The following SEMA4D variants were observed in gnomAD, a reference collection of about 807,000 sequenced individuals.
SEMA4D encodes semaphorin-4D.
SEMA4D carries 22 observed loss-of-function variants against 74.8 expected under a neutral mutation model. The ratio of observed to expected loss-of-function variants is 0.29; its 90% CI spans 0.21 to 0.42. The LOEUF (loss-of-function observed/expected upper bound fraction) is 0.42. Ranked by LOEUF, SEMA4D falls within the 10% of genes least tolerant of loss-of-function variation. The pLI, the probability that SEMA4D is intolerant of heterozygous loss-of-function variation, is 1.00. For missense variants in SEMA4D, 937 were observed against 1,118.4 expected (o/e 0.84, Z 2.31); for synonymous variants, 445 against 463.7 (o/e 0.96, Z 0.52).
At chr9:89,448,028 C>A (rs999174376) in intron 2 of SEMA4D, among the ~76,000 whole-genome samples, 2 of 152,138 alleles carry the variant, frequency 1.3e-5, no homozygotes, top group African/African-American at 2.4e-5. Flanking sequence ...TGCTCTGTCA[C>A]CCACGCTGGG....
chr9:89,482,971 G>A (rs1273332682), intron 1 of SEMA4D, among the ~76,000 whole-genome samples: 6 of 152,324 alleles, frequency 3.9e-5, no homozygotes, highest in South Asian at 2.1e-4. Flanking sequence ...GTCACAGAGC[G>A]GTTACTTGTA....
In SEMA4D at chr9:89,492,102, T is replaced by C. The variant is rs1317862321; in HGVS notation, c.-310+5817A>G. Among the ~76,000 whole-genome samples the C allele has an allele frequency of 7.2e-5, 11 of 152,150 alleles. No individual in the cohort carries two copies. The highest frequency in any genetic ancestry group is 5.9e-4 in the Admixed American group (9 of 15,284). On this transcript the variant is annotated intron_variant, in intron 1 of 15. Coordinates refer to ENST00000422704, the MANE Select transcript of SEMA4D (RefSeq NM_001371194.2). This position sits in a 1 kb window ranked among gnomAD's most constrained non-coding sequence, Gnocchi z 4.3. ...ACTGCCCTTCACGGCAGCAAAATTC[T>C]TGAAAAAGCAATAGGGTCCTGCTGT...
rs377569594 is a variant in SEMA4D, at chr9:89,385,617, A to G, written c.1446+750T>C. ...TTAGCAGAGGGGAGGTGACCACGTA[A>G]AAGGACCCAGGCTCCCAAGCTTTGT... On this transcript the variant is annotated intron_variant, in intron 13 of 15. Transcript: ENST00000422704. 20 of 962,934 alleles carry G rather than the reference A, an allele frequency of 2.1e-5. No individual in the cohort carries two copies. The African/African-American group carries it at 3.2e-4, about 15-fold the overall frequency. 59.6% of individuals were successfully genotyped at this position (962,934 alleles called of 1,614,324 possible).
At chr9:89,443,450 A>G (rs1211230807) in intron 2 of SEMA4D, among the ~76,000 whole-genome samples, 1 of 152,186 alleles carries the variant, frequency 6.6e-6, no homozygotes, top group Non-Finnish European at 1.5e-5. Flanking sequence ...GTCCCTGCAG[A>G]GTGGAGCCTT....
downstream of SEMA4D, among the ~76,000 whole-genome samples, chr9:89,374,465 C>T (rs556976508): frequency 1.3e-4 from 20 of 152,326 alleles, no homozygotes; most frequent in East Asian, 1.5e-3. Context: ...GCAGATCACA[C>T]GGCCACAGCC....
chr9:89,463,929 G>A (rs1278511860), intron 1 of SEMA4D, among the ~76,000 whole-genome samples: 2 of 127,194 alleles, frequency 1.6e-5, no homozygotes, highest in Non-Finnish European at 3.3e-5. Context: ...GCAAGACTCC[G>A]TCTCAGACAA....
intron 2 of SEMA4D, among the ~76,000 whole-genome samples, chr9:89,416,350 G>A (rs569748015): frequency 1.5e-3 from 231 of 152,328 alleles, no homozygotes; most frequent in African/African-American, 5.1e-3. Context: ...GCTCCTCAAT[G>A]AGGGGCTGGT....
In SEMA4D at chr9:89,462,954, G is replaced by GGGA. The variant is rs140255496; in HGVS notation, c.-309-7002_-309-7001insTCC. Among the ~76,000 whole-genome samples the GGGA allele has an allele frequency of 4.6e-3, 43 of 9,434 alleles. 1 individual carries two copies. The highest frequency in any genetic ancestry group is 0.016 in the South Asian group (3 of 188). The allele number at this position is 9,434 out of a possible 152,430, so 6.2% of individuals were successfully genotyped here. A position where few individuals can be genotyped will look rare whatever the true frequency, so the allele number is the denominator to read the frequency against. The stretch of plus-strand genomic sequence containing the variant: ...CAAGACTGTGCTGGAAAGAAAGGAG[G>GGGA]GGGGAGCGAGCGAGGGGAGGGGAGC... On this transcript the variant is annotated intron_variant, in intron 1 of 15. Coordinates refer to ENST00000422704, the MANE Select transcript of SEMA4D (RefSeq NM_001371194.2).
intron 18 of SEMA4D, chr9:89,363,315 A>G: frequency 6.8e-7 from 1 of 1,462,396 alleles, no homozygotes; most frequent in Non-Finnish European, 9.1e-7. Flanking sequence ...TCCGGGGCTA[A>G]GAGGGAACAA....
chr9:89,476,209 G>T (rs1861703944), intron 1 of SEMA4D, among the ~76,000 whole-genome samples: 1 of 152,156 alleles, frequency 6.6e-6, no homozygotes. Context: ...AGGCTTCTGG[G>T]AGCAGGGCAA....
intron 2 of SEMA4D, among the ~76,000 whole-genome samples, chr9:89,450,912 C>T (rs1854345012): frequency 6.6e-6 from 1 of 152,156 alleles, no homozygotes; most frequent in African/African-American, 2.4e-5. Flanking sequence ...CTTCCAACAA[C>T]AACCAGCTCC....
intron 2 of SEMA4D, among the ~76,000 whole-genome samples, chr9:89,452,745 G>A (rs773831438): frequency 5.3e-5 from 8 of 152,216 alleles, no homozygotes; most frequent in African/African-American, 9.7e-5. Flanking sequence ...GAGCCACCAC[G>A]CCAGGTGTCC....
chr9:89,363,769 C>G, exon 17 of SEMA4D: 1 of 1,613,530 alleles, frequency 6.2e-7, no homozygotes. Context: ...CCTGCACCTT[C>G]GAAGTCTTGT....
At chr9:89,475,737 C>T (rs1563974416) in intron 1 of SEMA4D, among the ~76,000 whole-genome samples, 1 of 152,180 alleles carries the variant, frequency 6.6e-6, no homozygotes, top group Non-Finnish European at 1.5e-5. Flanking sequence ...GCACACAGGT[C>T]TGATAAGAGC....
At chr9:89,462,410 CA>C (rs1389405095) in intron 1 of SEMA4D, among the ~76,000 whole-genome samples, 1 of 152,166 alleles carries the variant, frequency 6.6e-6, no homozygotes, top group Non-Finnish European at 1.5e-5. Context: ...AAGTGGCCAC[CA>C]ATGCTCTTCC....
chr9:89,441,054 C>A lies in SEMA4D; in HGVS notation c.-244+14834G>T, dbSNP rs59392233. 6.0e-3 allele frequency among the ~76,000 whole-genome samples: 911 copies of A among 152,378 alleles called. 9 individuals carry two copies. Among genetic ancestry groups the A allele is most frequent in the African/African-American group, 0.021 (862 of 41,588 alleles). ...AGGGAGTCCTTCTAAGAACAACAAG[C>A]CACTCTCCTGGGCAAGCTGCTCCCT... On this transcript the variant is annotated intron_variant, in intron 2 of 15. Coordinates refer to ENST00000422704, the MANE Select transcript of SEMA4D (RefSeq NM_001371194.2).
At chr9:89,474,794 A>G (rs1444727537) in intron 1 of SEMA4D, among the ~76,000 whole-genome samples, 1 of 152,234 alleles carries the variant, frequency 6.6e-6, no homozygotes, top group East Asian at 1.9e-4. Flanking sequence ...CCTCCTGGCC[A>G]AGCCTTTCCG....
intron 2 of SEMA4D, among the ~76,000 whole-genome samples, chr9:89,409,417 A>G (rs1844033832): frequency 6.6e-6 from 1 of 152,094 alleles, no homozygotes; most frequent in Non-Finnish European, 1.5e-5. Flanking sequence ...GTCGGGTGAT[A>G]AGGTACCTAT....
intron 2 of SEMA4D, among the ~76,000 whole-genome samples, chr9:89,408,914 T>C (rs949490915): frequency 6.6e-6 from 1 of 152,118 alleles, no homozygotes; most frequent in Admixed American, 6.5e-5. Flanking sequence ...CAAAGGTCCA[T>C]ACACACAAAA....
Sources: gnomAD v4.1 joint callset for allele counts (sites outside exome capture counted in the v4.1 genomes callset) on GRCh38, gnomAD v4.1.1 for gene constraint, Gnocchi (gnomAD v3.1) non-coding constraint, MANE v1.5 for transcripts, NCBI Gene and HGNC (gene_info 2026-07-23, HGNC 2026-07-21) for gene names.